The following PSME3 variants were observed in gnomAD, a reference collection of about 807,000 sequenced individuals.
PSME3 encodes proteasome activator complex subunit 3.
In PSME3, 7 loss-of-function variants were observed where a neutral mutation model predicts 38.3. The observed-to-expected ratio is 0.18, with a 90% CI of 0.10 to 0.34. The LOEUF is 0.34. Ranked by LOEUF, PSME3 falls within the 10% of genes least tolerant of loss-of-function variation. The probability of loss-of-function intolerance (pLI) is 1.00; values close to 1 mark genes in which losing one functional copy is unlikely to be tolerated. For synonymous variants in PSME3, 108 were observed against 105.7 expected (o/e 1.02, Z -0.13); for missense variants, 192 against 307.6 (o/e 0.62, Z 2.81).
At chr17:42,834,640 TG>T in intron 3 of PSME3, 63 bp downstream of exon 3, 1 of 1,603,742 alleles carries the variant, frequency 6.2e-7, no homozygotes, top group Non-Finnish European at 8.5e-7. Flanking sequence ...TACTGTCAAC[TG>T]GGATAAACTG....
rs1228003309 is a variant in PSME3 at position 42,841,894 on chromosome 17, CTG to C, written c.*320_*321del. The C allele has an allele frequency of 4.6e-6, 1 of 218,158 alleles. No individual in the cohort carries two copies. The highest frequency in any genetic ancestry group is 9.0e-6 in the Non-Finnish European group (1 of 110,690). The allele number at this position is 218,158 out of a possible 1,614,324, so 13.5% of individuals were successfully genotyped here. A position where few individuals can be genotyped will look rare whatever the true frequency, so the allele number is the denominator to read the frequency against. On this transcript the variant is annotated 3_prime_UTR_variant, in exon 11 of 11. Transcript: ENST00000590720. ...TTTTCATTCTCCCCCTCTCTCCCTC[CTG>C]TGTCTTGCGCTTTATGTTTTCTTCC...
At chr17:42,833,788 G>T (rs1005972526) in intron 1 of PSME3, 115 bp downstream of exon 1, 1 of 1,598,074 alleles carries the variant, frequency 6.3e-7, no homozygotes, top group East Asian at 2.3e-5. Flanking sequence ...CTGAGCTTCC[G>T]CTCGGCTCAG....
Position 42,838,046 on chromosome 17 carries a change from G to T in PSME3, c.293-47G>T, listed in dbSNP as rs751378407. The T allele has an allele frequency of 5.6e-6, 9 of 1,593,958 alleles. No homozygotes were observed. The African/African-American group carries it at 1.1e-4, about 19-fold the overall frequency. ...AAATGAGAGAGAGGCAGGGGATGCT[G>T]TGTCCTTCCCTCTTCCCTGATCATT... On this transcript the variant is annotated intron_variant, in intron 5 of 10. Transcript: ENST00000590720.
chr17:42,838,370 C>A (rs2055489596), intron 6 of PSME3, among the ~76,000 whole-genome samples, 165 bp downstream of exon 6: 1 of 151,982 alleles, frequency 6.6e-6, no homozygotes, highest in African/African-American at 2.4e-5. Flanking sequence ...TGCAGTGGCG[C>A]CATCTCGGCT....
chr17:42,838,488 A>G (rs1434796320), intron 6 of PSME3, among the ~76,000 whole-genome samples: 1 of 152,040 alleles, frequency 6.6e-6, no homozygotes, highest in Admixed American at 6.5e-5. Context: ...TTGTATTTTT[A>G]GTAGAGACGG....
Position 42,838,993 on chromosome 17 carries a change from T to TAA in PSME3, c.524_525insAA (p.Tyr175Ter). 6.2e-7 allele frequency: 1 copy of TAA among 1,614,208 alleles called. No individual in the cohort carries two copies. Among genetic ancestry groups the TAA allele is most frequent in the Non-Finnish European group, 8.5e-7 (1 of 1,180,038 alleles). ...AACTGTTGAGAGTGAAGCTGCATCT[T>TAA]ATCTGGACCAGATTTCTAGGTAGGG... ...LRTVESEAAS[Y>*]LDQISRYYIT... Residue 175 changes from tyrosine to a stop codon, truncating the protein, a stop_gained and frameshift_variant, in exon 8 of 11, where the codon TAT (tyrosine) becomes TAAAT (stop). Transcript: ENST00000590720. LOFTEE classifies it high-confidence loss of function.
chr17:42,839,050 G>A, intron 8 of PSME3, 38 bp downstream of exon 8: 11 of 1,607,426 alleles, frequency 6.8e-6, no homozygotes, highest in Non-Finnish European at 9.4e-6. Flanking sequence ...GTTGGGGGCT[G>A]ATGAGGTGGT....
chr17:42,834,308 CCCCAGGTACTGAATTGCTCT>C lies in PSME3; in HGVS notation c.43-34_43-15del. The stretch of plus-strand genomic sequence containing the variant: ...TTCTCCATCCTGCTCTTACCTCTGT[CCCCAGGTACTGAATTGCTCT>C]CTTTGTTAATTTTAGGTTGATTCTT... On this transcript the variant is annotated splice_polypyrimidine_tract_variant and intron_variant, in intron 1 of 10. Transcript: ENST00000590720. 1.2e-6 allele frequency: 2 copies of C among 1,613,898 alleles called. No homozygotes were observed. The highest frequency in any genetic ancestry group is 1.7e-6 in the Non-Finnish European group (2 of 1,179,872).
chr17:42,834,437 G>GGGGAGA, intron 2 of PSME3, 61 bp downstream of exon 2: 1 of 1,535,608 alleles, frequency 6.5e-7, no homozygotes, highest in Non-Finnish European at 8.9e-7. Context: ...GGAGATACCT[G>GGGGAGA]GAGAGAGAGA....
intron 6 of PSME3, 30 bp downstream of exon 6, chr17:42,838,235 G>T (rs368019431): frequency 4.6e-5 from 74 of 1,612,492 alleles, no homozygotes; most frequent in Middle Eastern, 1.9e-4. Flanking sequence ...CCTATGGGCC[G>T]GCCCCAAGTA....
chr17:42,834,255 A>T, intron 1 of PSME3, 89 bp from the exon 2 acceptor site: 1 of 1,604,514 alleles, frequency 6.2e-7, no homozygotes, highest in South Asian at 1.1e-5. Flanking sequence ...TACAGTTACA[A>T]GGTGAGGGAA....
At position 42,842,958 on chromosome 17, in the gene PSME3, C is replaced by T. The variant is rs2055552952; in HGVS notation, c.*1380C>T. On this transcript the variant is annotated 3_prime_UTR_variant, in exon 11 of 11. Transcript: ENST00000590720. ...CCACCGGGGATGCATCATTTTTACT[C>T]CCAATATTCTGTAGAGAGGGAGTCA... The T allele has an allele frequency of 6.5e-6, 1 of 152,738 alleles. No individual in the cohort carries two copies. The highest frequency in any genetic ancestry group is 2.4e-5 in the African/African-American group (1 of 41,436). The allele number at this position is 152,738 out of a possible 1,614,324, so 9.5% of individuals were successfully genotyped here.
At chr17:42,839,196 GA>G (rs1391430174) in intron 9 of PSME3, 30 bp downstream of exon 9, 1 of 1,565,692 alleles carries the variant, frequency 6.4e-7, no homozygotes, top group East Asian at 2.2e-5. Context: ...CCTGAGGGTG[GA>G]GGTGGCAGGA....
intron 4 of PSME3, among the ~76,000 whole-genome samples, chr17:42,837,443 C>G (rs762741541): frequency 6.6e-6 from 1 of 151,370 alleles, no homozygotes. Flanking sequence ...CCTCGGCCCC[C>G]CAAATTGCTG....
intron 10 of PSME3, among the ~76,000 whole-genome samples, chr17:42,840,540 G>A (rs759011941): frequency 6.6e-5 from 10 of 151,356 alleles, no homozygotes; most frequent in Middle Eastern, 3.4e-3. Flanking sequence ...CCCAAGAGGT[G>A]TAGGTTGCAG....
At chr17:42,833,759 C>A in intron 1 of PSME3, 86 bp downstream of exon 1, 1 of 1,612,272 alleles carries the variant, frequency 6.2e-7, no homozygotes, top group Non-Finnish European at 8.5e-7. Flanking sequence ...GCGTCTTTGT[C>A]TCCCTGGGGA....
In PSME3 at chr17:42,843,600, G is replaced by A. The variant is rs1484780366; in HGVS notation, c.*2022G>A. 1.3e-5 allele frequency: 2 copies of A among 152,312 alleles called. No individual in the cohort carries two copies. The highest frequency in any genetic ancestry group is 2.9e-5 in the Non-Finnish European group (2 of 68,050). 9.4% of individuals were successfully genotyped at this position (152,312 alleles called of 1,614,324 possible). On this transcript the variant is annotated 3_prime_UTR_variant, in exon 11 of 11. Transcript: ENST00000590720. Reference sequence around the variant, plus strand: ...TGTAAGGAATGAACTGGTTCAAGGCGCGTCCTACCCAGTCATTTTCTTTAC... The same window carrying A: ...TGTAAGGAATGAACTGGTTCAAGGCACGTCCTACCCAGTCATTTTCTTTAC...
Position 42,834,588 on chromosome 17 carries a change from C to G in PSME3, c.138+11C>G, listed in dbSNP as rs528950077. 6.2e-7 allele frequency: 1 copy of G among 1,613,090 alleles called. No homozygotes were observed. The highest frequency in any genetic ancestry group is 1.3e-5 in the African/African-American group (1 of 74,876). Reference sequence around the variant, plus strand: ...GATAGTTTTCTGAAGGTGAGAGACCCTATTCTTTCCTCAAATTCCCCAATT... The same window carrying G: ...GATAGTTTTCTGAAGGTGAGAGACCGTATTCTTTCCTCAAATTCCCCAATT... On this transcript the variant is annotated intron_variant, in intron 3 of 10. Coordinates refer to ENST00000590720, the MANE Select transcript of PSME3 (RefSeq NM_005789.4).
chr17:42,840,768 C>A (rs1402914677), intron 10 of PSME3, among the ~76,000 whole-genome samples: 1 of 152,070 alleles, frequency 6.6e-6, no homozygotes, highest in Non-Finnish European at 1.5e-5. Flanking sequence ...TTGGAAATAC[C>A]CATTTATACC....
Sources: gnomAD v4.1 joint callset for allele counts (sites outside exome capture counted in the v4.1 genomes callset) on GRCh38, gnomAD v4.1.1 for gene constraint, MANE v1.5 for transcripts, NCBI Gene and HGNC (gene_info 2026-07-23, HGNC 2026-07-21) for gene names.